The following NLGN4X variants were observed in gnomAD, a reference collection of about 807,000 sequenced individuals.
NLGN4X encodes neuroligin 4 X-linked.
In NLGN4X, 3 loss-of-function variants were observed where a neutral mutation model predicts 40.3. The observed-to-expected ratio is 0.07, with a 90% confidence interval of 0.03 to 0.19. The LOEUF is 0.19. Ranked by LOEUF, NLGN4X falls within the 10% of genes least tolerant of loss-of-function variation. The probability of loss-of-function intolerance (pLI) is 1.00; values close to 1 mark genes in which losing one functional copy is unlikely to be tolerated. For missense variants in NLGN4X, 382 were observed against 708.3 expected (o/e 0.54, Z 5.23); for synonymous variants, 270 against 306.8 (o/e 0.88, Z 1.25).
At chrX:6,148,842 G>A (rs2040107676) in intron 2 of NLGN4X, among the ~76,000 whole-genome samples, 1 of 111,749 alleles carries the variant, frequency 8.9e-6, no homozygotes, top group African/African-American at 3.3e-5. Context: ...ATAGAGTTAA[G>A]AAAACAAGCA....
chrX:5,970,373 C>T lies in NLGN4X; in HGVS notation c.625+58907G>A, dbSNP rs758571654. Among the ~76,000 whole-genome samples, 11 of 111,279 alleles carry T rather than the reference C, an allele frequency of 9.9e-5. No individual in the cohort carries two copies. In the East Asian group the frequency reaches 3.1e-3, roughly 32 times the overall value. On this transcript the variant is annotated intron_variant, in intron 3 of 5. Transcript: ENST00000381095. ...AAAGAAAAAAAAAGGAATTTATTCCCTGCAGGACTCTAAGCATTTTCCATG... is the reference window on the plus strand; with the variant it reads ...AAAGAAAAAAAAAGGAATTTATTCCTTGCAGGACTCTAAGCATTTTCCATG...
chrX:6,086,532 G>A (rs916316869), intron 2 of NLGN4X, among the ~76,000 whole-genome samples: 13 of 112,098 alleles, frequency 1.2e-4, no homozygotes, highest in East Asian at 2.8e-4. Context: ...TTGGCCTAAC[G>A]GGTATAATCC....
chrX:6,133,177 T>G (rs2039721421), intron 2 of NLGN4X, among the ~76,000 whole-genome samples: 1 of 109,018 alleles, frequency 9.2e-6, no homozygotes, highest in South Asian at 4.0e-4. Flanking sequence ...CCATCATCAC[T>G]ATCACCATCA....
intron 1 of NLGN4X, among the ~76,000 whole-genome samples, chrX:6,196,962 G>A (rs1259845548): frequency 8.9e-6 from 1 of 111,855 alleles, no homozygotes; most frequent in Non-Finnish European, 1.9e-5. Flanking sequence ...CATAGGTGAT[G>A]CCATTTGGGT....
chrX:6,152,852 T>C (rs1266799202), intron 1 of NLGN4X, among the ~76,000 whole-genome samples: 3 of 112,649 alleles, frequency 2.7e-5, no homozygotes, highest in African/African-American at 9.6e-5. Context: ...CTTCAGCCCA[T>C]TTAAAAAGCT....
chrX:5,963,395 C>T (rs1224782382), intron 3 of NLGN4X, among the ~76,000 whole-genome samples: 1 of 111,612 alleles, frequency 9.0e-6, no homozygotes, highest in Non-Finnish European at 1.9e-5. Context: ...GAAGGCAGAT[C>T]GTGTGAGTGA....
chrX:6,028,014 A>T (rs778827257), intron 3 of NLGN4X, among the ~76,000 whole-genome samples: 3 of 109,900 alleles, frequency 2.7e-5, no homozygotes, highest in African/African-American at 6.6e-5. Context: ...ACAGGGTTTC[A>T]CCACTTTGGT....
intron 3 of NLGN4X, among the ~76,000 whole-genome samples, chrX:5,984,288 T>C (rs2035468458): frequency 9.2e-6 from 1 of 109,185 alleles, no homozygotes; most frequent in Admixed American, 9.9e-5. Context: ...ATGCATTAGA[T>C]ACAGTAGAAA....
At chrX:6,051,237 T>G (rs2037484578) in intron 2 of NLGN4X, among the ~76,000 whole-genome samples, 1 of 112,015 alleles carries the variant, frequency 8.9e-6, no homozygotes, top group Admixed American at 9.5e-5. Flanking sequence ...AAGTTTAATT[T>G]ATAAATTATA....
chrX:5,935,739 T>C, intron 3 of NLGN4X, among the ~76,000 whole-genome samples: 1 of 111,773 alleles, frequency 8.9e-6, no homozygotes, highest in Non-Finnish European at 1.9e-5. Context: ...TGAGGTTCCA[T>C]ATATCAGTGA....
chrX:5,906,844 C>T (rs1458648952), intron 4 of NLGN4X, among the ~76,000 whole-genome samples: 4 of 111,026 alleles, frequency 3.6e-5, no homozygotes, highest in Non-Finnish European at 7.5e-5. Context: ...TTCGGGAGGT[C>T]GAGGTGGGTG....
At chrX:6,032,065 C>T (rs2036872916) in intron 2 of NLGN4X, among the ~76,000 whole-genome samples, 1 of 91,113 alleles carries the variant, frequency 1.1e-5, no homozygotes, top group South Asian at 7.2e-4. Context: ...TCTTCCCCAC[C>T]CCCCCTTAAA....
intron 2 of NLGN4X, among the ~76,000 whole-genome samples, chrX:6,098,096 C>G (rs1188181375): frequency 8.9e-6 from 1 of 111,768 alleles, no homozygotes; most frequent in Non-Finnish European, 1.9e-5. Flanking sequence ...TTGAGACCAG[C>G]CTGGGCAACG....
chrX:6,032,079 T>C (rs1173976633), intron 2 of NLGN4X, among the ~76,000 whole-genome samples: 2 of 94,120 alleles, frequency 2.1e-5, no homozygotes, highest in Non-Finnish European at 4.2e-5. Flanking sequence ...CCTTAAATGC[T>C]GTAAAAGGCA....
At chrX:6,211,319 G>A (rs1924584564) in intron 1 of NLGN4X, among the ~76,000 whole-genome samples, 2 of 111,433 alleles carry the variant, frequency 1.8e-5, no homozygotes, top group South Asian at 7.6e-4. Flanking sequence ...CGGGAGGGGT[G>A]TGGAGTAAAA....
At chrX:6,186,763 C>T (rs1251443917) in intron 1 of NLGN4X, 2 of 111,663 alleles carry the variant, frequency 1.8e-5, no homozygotes, top group African/African-American at 6.5e-5. Flanking sequence ...AGACATAAGC[C>T]TTACTCACCA....
intron 2 of NLGN4X, among the ~76,000 whole-genome samples, chrX:6,062,461 A>C (rs59907633): frequency 9.0e-6 from 1 of 111,252 alleles, no homozygotes; most frequent in East Asian, 2.9e-4. Context: ...AAATCCTTCC[A>C]TTTGTTCTCC....
chrX:6,148,215 A>T (rs773928907), intron 2 of NLGN4X, among the ~76,000 whole-genome samples: 1 of 112,269 alleles, frequency 8.9e-6, no homozygotes, highest in African/African-American at 3.2e-5. Flanking sequence ...ATTTGAGCCA[A>T]TCTGATCAAG....
chrX:6,210,244 G>T (rs1444797637), intron 1 of NLGN4X, among the ~76,000 whole-genome samples: 1 of 69,933 alleles, frequency 1.4e-5, no homozygotes, highest in Non-Finnish European at 2.7e-5. Flanking sequence ...GCGCCCGTTT[G>T]TGTGTGTGTG....
Sources: allele counts gnomAD v4.1 joint callset (sites outside exome capture counted in the v4.1 genomes callset), GRCh38; gene constraint gnomAD v4.1.1; transcripts MANE v1.5; gene names NCBI Gene and HGNC (gene_info 2026-07-23, HGNC 2026-07-21).